The following PTPRD variants were observed in gnomAD, a reference collection of about 807,000 sequenced individuals.
The protein encoded by PTPRD is protein tyrosine phosphatase receptor type D.
A neutral mutation model predicts 214.5 loss-of-function variants in PTPRD; 34 were observed. The observed-to-expected ratio is 0.16, with a 90% confidence interval of 0.12 to 0.21. The LOEUF is 0.21. PTPRD is among the 10% of genes least tolerant of loss of function. The pLI is 1.00. For missense variants in PTPRD, 2,545 were observed against 2,398.7 expected, an observed-to-expected ratio of 1.06 and a Z score of -1.27; for synonymous variants, 1,128 against 845.7, an observed-to-expected ratio of 1.33 and a Z score of -5.79.
intron 9 of PTPRD, among the ~76,000 whole-genome samples, chr9:9,253,958 G>T (rs1234642087): frequency 6.6e-6 from 1 of 152,024 alleles, no homozygotes; most frequent in Non-Finnish European, 1.5e-5. Flanking sequence ...CTTGGTTTCT[G>T]GCCACATCAC....
intron 9 of PTPRD, among the ~76,000 whole-genome samples, chr9:9,286,155 T>C (rs950279411): frequency 2.0e-5 from 3 of 151,894 alleles, no homozygotes; most frequent in African/African-American, 7.2e-5. Context: ...TCACATTTCA[T>C]TGGTCATAAT....
At chr9:8,885,566 G>A (rs1449573313) in intron 11 of PTPRD, among the ~76,000 whole-genome samples, 5 of 142,966 alleles carry the variant, frequency 3.5e-5, no homozygotes, top group South Asian at 4.5e-4. Context: ...GTGGGATCTC[G>A]GCTCACTGAA....
At chr9:8,757,629 T>TATATATATATACATACATATATAC (rs1565835058) in intron 11 of PTPRD, among the ~76,000 whole-genome samples, 2 of 147,114 alleles carry the variant, frequency 1.4e-5, no homozygotes, top group African/African-American at 2.5e-5. Context: ...TGCATATATA[T>TATATATATATACATACATATATAC]ATATATATAT....
chr9:8,423,187 A>G (rs2094466138), intron 35 of PTPRD, among the ~76,000 whole-genome samples: 2 of 152,354 alleles, frequency 1.3e-5, no homozygotes, highest in South Asian at 4.1e-4. Flanking sequence ...AAGATCGTCC[A>G]GTCCAATCAC....
At chr9:10,576,900 C>T (rs1410412249) in intron 2 of PTPRD, among the ~76,000 whole-genome samples, 2 of 152,106 alleles carry the variant, frequency 1.3e-5, no homozygotes, top group Non-Finnish European at 2.9e-5. Context: ...TGCCAACACT[C>T]ACCCTTATAT....
chr9:9,934,575 C>T (rs1434378834), intron 5 of PTPRD, among the ~76,000 whole-genome samples: 2 of 151,352 alleles, frequency 1.3e-5, no homozygotes, highest in East Asian at 1.9e-4. Flanking sequence ...GAAATTATGG[C>T]AATAATCAAT....
At chr9:9,551,957 A>G (rs2080383176) in intron 8 of PTPRD, among the ~76,000 whole-genome samples, 1 of 151,956 alleles carries the variant, frequency 6.6e-6, no homozygotes, top group South Asian at 2.1e-4. Flanking sequence ...GAAAAAAAAA[A>G]TGAGGAAGTA....
At position 8,592,126 on chromosome 9, in the gene PTPRD, A is replaced by G. The variant is rs1026858234; in HGVS notation, c.352+41191T>C. Among the ~76,000 whole-genome samples the G allele has an allele frequency of 6.4e-4, 98 of 152,194 alleles. 6 individuals carry two copies. ...TTTAAAAGAACTATGTGGAAAAATT[A>G]AAAATAAGACATATTGACAATACAC... is the stretch of plus-strand genomic sequence containing the variant. On this transcript the variant is annotated intron_variant, in intron 14 of 45. Coordinates refer to ENST00000381196, the MANE Select transcript of PTPRD (RefSeq NM_002839.4).
chr9:8,971,367 A>T (rs941108311), intron 11 of PTPRD, among the ~76,000 whole-genome samples: 2 of 151,816 alleles, frequency 1.3e-5, no homozygotes, highest in Non-Finnish European at 2.9e-5. Context: ...CTGCCTGTTC[A>T]AAGTCAATAT....
intron 9 of PTPRD, among the ~76,000 whole-genome samples, chr9:9,350,891 T>A (rs186449630): frequency 6.6e-6 from 1 of 152,034 alleles, no homozygotes; most frequent in Admixed American, 6.6e-5. Context: ...GATCCTCTTT[T>A]TCTGAGAGTG....
chr9:9,745,119 T>A (rs1033381798), intron 6 of PTPRD, among the ~76,000 whole-genome samples: 33 of 152,030 alleles, frequency 2.2e-4, no homozygotes, highest in African/African-American at 8.0e-4. Flanking sequence ...AAATTATAAT[T>A]ATAAAAATAG....
chr9:9,974,786 A>G (rs2095290153), intron 4 of PTPRD, among the ~76,000 whole-genome samples: 2 of 152,152 alleles, frequency 1.3e-5, no homozygotes, highest in Non-Finnish European at 1.5e-5. Flanking sequence ...ATTGGTTGAC[A>G]TAGGAAATAT....
intron 9 of PTPRD, among the ~76,000 whole-genome samples, chr9:9,220,676 A>G (rs2099955385): frequency 6.6e-6 from 1 of 152,118 alleles, no homozygotes; most frequent in Non-Finnish European, 1.5e-5. Context: ...TGTAGTTAGT[A>G]TTCCTACAGC....
intron 2 of PTPRD, among the ~76,000 whole-genome samples, chr9:10,486,671 C>T (rs1339763083): frequency 2.0e-5 from 3 of 152,040 alleles, no homozygotes; most frequent in African/African-American, 7.2e-5. Context: ...AGAGAAGATG[C>T]CTGATATTAT....
intron 11 of PTPRD, among the ~76,000 whole-genome samples, chr9:8,798,188 G>T (rs2096488274): frequency 6.6e-6 from 1 of 151,616 alleles, no homozygotes; most frequent in Non-Finnish European, 1.5e-5. Flanking sequence ...TTCTTCTTTG[G>T]TGTCTCTTTT....
chr9:10,527,634 T>C (rs1342285785), intron 2 of PTPRD, among the ~76,000 whole-genome samples: 1 of 152,084 alleles, frequency 6.6e-6, no homozygotes, highest in Non-Finnish European at 1.5e-5. Context: ...GGAGGTTAAT[T>C]TGAGAATTTC....
chr9:9,469,377 G>A (rs1161713197), intron 8 of PTPRD, among the ~76,000 whole-genome samples: 1 of 152,102 alleles, frequency 6.6e-6, no homozygotes, highest in East Asian at 1.9e-4. Flanking sequence ...AGCTGGCAAT[G>A]TTCCCCAGAG....
intron 9 of PTPRD, among the ~76,000 whole-genome samples, chr9:9,289,273 T>C (rs556573371): frequency 6.6e-6 from 1 of 151,990 alleles, no homozygotes; most frequent in South Asian, 2.1e-4. Flanking sequence ...TAAAGATAAC[T>C]TGGTTCATAT....
At chr9:10,002,687 GA>G (rs147460939) in intron 4 of PTPRD, among the ~76,000 whole-genome samples, 71 of 139,686 alleles carry the variant, frequency 5.1e-4, no homozygotes, top group African/African-American at 1.7e-3. Flanking sequence ...CAAAATACTT[GA>G]AAAAAAAAAC....
Sources: allele counts gnomAD v4.1 joint callset (sites outside exome capture counted in the v4.1 genomes callset), GRCh38; gene constraint gnomAD v4.1.1; transcripts MANE v1.5; gene names NCBI Gene and HGNC (gene_info 2026-07-23, HGNC 2026-07-21).